Variants in MSI2 observed in about 807,000 individuals in gnomAD.
MSI2 encodes the protein RNA-binding protein Musashi homolog 2.
A neutral mutation model predicts 45.6 loss-of-function variants in MSI2; 17 were observed. That is an observed-to-expected ratio of 0.37 (90% CI 0.26 to 0.56). The LOEUF is 0.56. Ranked by LOEUF, MSI2 falls within the 20% of genes least tolerant of loss-of-function variation. The pLI is 0.77. For missense variants in MSI2, 293 were observed against 444.2 expected, an observed-to-expected ratio of 0.66 and a Z score of 3.06; for synonymous variants, 156 against 158.2, an observed-to-expected ratio of 0.99 and a Z score of 0.11.
chr17:57,451,606 T>C (rs1217977654), intron 6 of MSI2, among the ~76,000 whole-genome samples: 2 of 152,300 alleles, frequency 1.3e-5, no homozygotes, highest in South Asian at 4.2e-4. Flanking sequence ...AGAAAATGGG[T>C]CCCTAATCTC....
chr17:57,675,129 A>G lies in MSI2; in HGVS notation c.945+3A>G, dbSNP rs779614250. 5 of 1,611,262 alleles carry G rather than the reference A, an allele frequency of 3.1e-6. No homozygotes were observed. In the South Asian group the frequency reaches 4.4e-5, roughly 14 times the overall value. ...CGGGCTTCGGCCACGGCATAGCTGT[A>G]AGTACCTGCCTTCCCCTGCCCTCCT... On this transcript the variant is annotated splice_donor_region_variant and intron_variant, in intron 12 of 13. Transcript: ENST00000284073.
At chr17:57,484,233 C>T (rs187863884) in intron 6 of MSI2, among the ~76,000 whole-genome samples, 2 of 152,284 alleles carry the variant, frequency 1.3e-5, no homozygotes, top group African/African-American at 2.4e-5. Context: ...GGCAGATGCC[C>T]GTAGGACTTC....
At chr17:57,474,878 C>T (rs1234947280) in intron 6 of MSI2, among the ~76,000 whole-genome samples, 1 of 152,118 alleles carries the variant, frequency 6.6e-6, no homozygotes, top group South Asian at 2.1e-4. Flanking sequence ...ACCACCACCC[C>T]TGGCTAATTT....
chr17:57,343,813 T>C (rs771795446), intron 5 of MSI2, among the ~76,000 whole-genome samples: 7 of 152,242 alleles, frequency 4.6e-5, no homozygotes, highest in Non-Finnish European at 1.0e-4. Flanking sequence ...TTGCCATTTA[T>C]AAAGAATACA....
At chr17:57,656,134 A>G (rs879735817) in intron 11 of MSI2, among the ~76,000 whole-genome samples, 16 of 152,142 alleles carry the variant, frequency 1.1e-4, no homozygotes, top group Non-Finnish European at 2.1e-4. Context: ...GGGACCAGGA[A>G]GAGAAGGGGC....
the MSI2 span, among the ~76,000 whole-genome samples, chr17:57,691,200 C>CTCTCTCTCATCT: frequency 7.8e-5 from 11 of 140,206 alleles, no homozygotes; most frequent in African/African-American, 2.9e-4. Context: ...CTCTCTCTCT[C>CTCTCTCTCATCT]ATCTATCTAT....
At chr17:57,602,214 A>G (rs1182372324) in intron 8 of MSI2, among the ~76,000 whole-genome samples, 1 of 148,294 alleles carries the variant, frequency 6.7e-6, no homozygotes. Context: ...TTTTTTTTTA[A>G]TTTTTTTTTT....
rs983557680 is a variant in MSI2 at position 57,596,615 on chromosome 17, T to C, written c.455-253T>C. ...CAGACAAGTAAATTTCTTGTTTGCT[T>C]CGGGGCAAATGTAAACCACACAGTG... On this transcript the variant is annotated intron_variant, in intron 7 of 13. Transcript: ENST00000284073. The surrounding 1 kb of genome is among the most constrained non-coding windows in gnomAD (Gnocchi z 4.6). 1.3e-5 allele frequency among the ~76,000 whole-genome samples: 2 copies of C among 152,220 alleles called. No individual in the cohort carries two copies. Among genetic ancestry groups the C allele is most frequent in the African/African-American group, 4.8e-5 (2 of 41,458 alleles).
At chr17:57,654,855 A>G (rs1464647297) in intron 11 of MSI2, among the ~76,000 whole-genome samples, 2 of 151,478 alleles carry the variant, frequency 1.3e-5, no homozygotes, top group Non-Finnish European at 2.9e-5. Context: ...TAGGGATCAG[A>G]CATCATCCTA....
Position 57,492,492 on chromosome 17 carries a change from G to A in MSI2, c.406-37184G>A, listed in dbSNP as rs529008519. Among the ~76,000 whole-genome samples the A allele has an allele frequency of 2.6e-5, 4 of 152,332 alleles. No individual in the cohort carries two copies. The South Asian group carries it at 8.3e-4, about 32-fold the overall frequency. ...TGGGCAAGGGAAAAACATAGTTTTTGATAGGTATTGAAGAAGCTTCAGCAG... is the reference window on the plus strand; with the variant it reads ...TGGGCAAGGGAAAAACATAGTTTTTAATAGGTATTGAAGAAGCTTCAGCAG... On this transcript the variant is annotated intron_variant, in intron 6 of 13. Transcript: ENST00000284073.
At chr17:57,582,286 T>A (rs1381171597) in intron 7 of MSI2, among the ~76,000 whole-genome samples, 1 of 152,078 alleles carries the variant, frequency 6.6e-6, no homozygotes, top group Non-Finnish European at 1.5e-5. Context: ...GAAAAAAAAA[T>A]TAGCATGCCG....
At chr17:57,623,952 C>T (rs1003753269) in intron 9 of MSI2, among the ~76,000 whole-genome samples, 2 of 152,208 alleles carry the variant, frequency 1.3e-5, no homozygotes, top group Non-Finnish European at 2.9e-5. Context: ...TAAGATCCCC[C>T]GCTCTGGCAG....
intron 5 of MSI2, among the ~76,000 whole-genome samples, chr17:57,271,214 C>T (rs1908328746): frequency 6.6e-6 from 1 of 152,128 alleles, no homozygotes. Flanking sequence ...CAAGTTAATG[C>T]TAATGGATTC....
chr17:57,652,153 G>A lies in MSI2; in HGVS notation c.782G>A (p.Arg261Lys). 2 of 1,614,072 alleles carry A rather than the reference G, an allele frequency of 1.2e-6. No individual in the cohort carries two copies. The highest frequency in any genetic ancestry group is 1.7e-6 in the Non-Finnish European group (2 of 1,179,984). ...GCAGCAGCGGCGGTGGCGGCAGCAA[G>A]AGGATCAGGTAGGAAGGTGTATGGG... The part of the protein sequence containing the change: ...PVAAAAVAAA[R>K]GSGSNPARPG... The change falls in exon 11 of 14, where the codon AGA becomes AAA. Residue 261 changes from arginine to lysine, a missense_variant. Coordinates refer to ENST00000284073, the MANE Select transcript of MSI2 (RefSeq NM_138962.4). This position sits in a 1 kb window ranked among gnomAD's most constrained non-coding sequence, Gnocchi z 4.1.
chr17:57,506,497 G>A (rs1030544676), intron 6 of MSI2, among the ~76,000 whole-genome samples: 2 of 152,182 alleles, frequency 1.3e-5, no homozygotes, highest in Admixed American at 1.3e-4. Flanking sequence ...CTGGCTGTGG[G>A]TCTGCTCTTT....
At position 57,679,586 on chromosome 17, in the gene MSI2, T is replaced by C. The variant is rs770006950; in HGVS notation, c.*69T>C. Reference sequence around the variant, plus strand: ...TGTCCAGGCAAGACTGGGCGAAGTTTCTGAGTGGCCCTTTGTTTAGGTGAT... The same window carrying C: ...TGTCCAGGCAAGACTGGGCGAAGTTCCTGAGTGGCCCTTTGTTTAGGTGAT... On this transcript the variant is annotated 3_prime_UTR_variant, in exon 14 of 14. Coordinates refer to ENST00000284073, the MANE Select transcript of MSI2 (RefSeq NM_138962.4). The C allele has an allele frequency of 1.7e-5, 18 of 1,061,778 alleles. No homozygotes were observed. Among genetic ancestry groups the C allele is most frequent in the Non-Finnish European group, 2.1e-5 (18 of 876,808 alleles). 65.8% of individuals were successfully genotyped at this position (1,061,778 alleles called of 1,614,324 possible).
chr17:57,487,921 C>T (rs2085787166), intron 6 of MSI2, among the ~76,000 whole-genome samples: 1 of 151,940 alleles, frequency 6.6e-6, no homozygotes, highest in Admixed American at 6.6e-5. Flanking sequence ...TCTGTGCACA[C>T]AGCCCGGTGC....
chr17:57,628,504 C>T (rs1311168743), intron 10 of MSI2: 5 of 152,296 alleles, frequency 3.3e-5, no homozygotes, highest in Admixed American at 2.6e-4. Context: ...AAGCCCCAAG[C>T]TCTTGTCCTG....
At chr17:57,458,438 T>G (rs1567836172) in intron 6 of MSI2, among the ~76,000 whole-genome samples, 1 of 152,200 alleles carries the variant, frequency 6.6e-6, no homozygotes, top group Non-Finnish European at 1.5e-5. Context: ...CATATTTTAA[T>G]CTCTCAATGG....
Sources: gnomAD v4.1 joint callset for allele counts (sites outside exome capture counted in the v4.1 genomes callset) on GRCh38, gnomAD v4.1.1 for gene constraint, Gnocchi (gnomAD v3.1) non-coding constraint, MANE v1.5 for transcripts, NCBI Gene and HGNC (gene_info 2026-07-23, HGNC 2026-07-21) for gene names.